CCDC66: variants seen among roughly 807,000 people sequenced by gnomAD.
CCDC66 encodes coiled-coil domain-containing protein 66.
CCDC66 carries 133 observed loss-of-function variants against 128.3 expected under a neutral mutation model. That is an observed-to-expected ratio of 1.04 (90% CI 0.90 to 1.20). CCDC66 has a LOEUF of 1.20. CCDC66 is among the 50% of genes most tolerant of loss of function. The probability of loss-of-function intolerance (pLI) is 0.00; values close to 1 mark genes in which losing one functional copy is unlikely to be tolerated. For missense variants in CCDC66, 1,126 were observed against 1,075.5 expected (o/e 1.05, Z -0.66); for synonymous variants, 387 against 357.0 (o/e 1.08, Z -0.95).
chr3:56,615,108 T>C lies in CCDC66; in HGVS notation c.1567-20T>C, dbSNP rs2075322831. The stretch of plus-strand genomic sequence containing the variant: ...TTGTATGTTTAATAGATGAATTTAG[T>C]AACACATCAATATTGACAGGAAATC... On this transcript the variant is annotated intron_variant, in intron 11 of 17. Transcript: ENST00000394672. 4 of 1,608,164 alleles carry C rather than the reference T, an allele frequency of 2.5e-6. No homozygotes were observed. Among genetic ancestry groups the C allele is most frequent in the African/African-American group, 2.7e-5 (2 of 74,554 alleles).
intron 10 of CCDC66, among the ~76,000 whole-genome samples, chr3:56,613,034 A>G (rs2075054353): frequency 6.6e-6 from 1 of 152,138 alleles, no homozygotes; most frequent in South Asian, 2.1e-4. Flanking sequence ...CAGATGGTGA[A>G]TGTCAGTGGG....
At position 56,563,843 on chromosome 3, in the gene CCDC66, A is replaced by G; in HGVS notation, c.262A>G (p.Thr88Ala). The G allele has an allele frequency of 6.3e-7, 1 of 1,574,924 alleles. No homozygotes were observed. Among genetic ancestry groups the G allele is most frequent in the Non-Finnish European group, 8.6e-7 (1 of 1,158,842 alleles). The change falls in exon 4 of 18, where the codon ACT becomes GCT. Residue 88 changes from threonine to alanine, a missense_variant. By Grantham distance (58) the Thr-to-Ala change is moderately conservative. Coordinates refer to ENST00000394672, the MANE Select transcript of CCDC66 (RefSeq NM_001141947.3). ...SQAKGEKNGM[T>A]FSSTKDLCKQ... ...GGCAAAAGGTGAAAAAAATGGAATGACTTTTTCATCCACTAAGGATTTATG... is the reference window on the plus strand; with the variant it reads ...GGCAAAAGGTGAAAAAAATGGAATGGCTTTTTCATCCACTAAGGATTTATG...
chr3:56,619,498 C>T lies in CCDC66; in HGVS notation c.2606C>T (p.Thr869Ile). 1 of 1,611,650 alleles carries T rather than the reference C, an allele frequency of 6.2e-7. No individual in the cohort carries two copies. Among genetic ancestry groups the T allele is most frequent in the Non-Finnish European group, 8.5e-7 (1 of 1,179,238 alleles). The change falls in exon 16 of 18, where the codon ACC (threonine) becomes ATC (isoleucine). Residue 869 changes from threonine to isoleucine, a missense_variant. Thr to Ile is a moderately conservative substitution (Grantham distance 89). Transcript: ENST00000394672. ...GATGCACCATTGTCTGGGCCTTCAA[C>T]CCAGGACCCTCAGTACCAAAATTCA... ...DPDAPLSGPS[T>I]QDPQYQNSQD...
intron 10 of CCDC66, among the ~76,000 whole-genome samples, chr3:56,608,803 G>A (rs1186403638): frequency 6.6e-6 from 1 of 152,148 alleles, no homozygotes; most frequent in Non-Finnish European, 1.5e-5. Context: ...GATAGGTTGT[G>A]TCATTACTGT....
chr3:56,602,888 G>A (rs1206785466), intron 10 of CCDC66, among the ~76,000 whole-genome samples: 1 of 145,106 alleles, frequency 6.9e-6, no homozygotes, highest in East Asian at 2.0e-4. Context: ...AGGCTGGAGT[G>A]CAGTGGCATG....
intron 3 of CCDC66, chr3:56,563,381 A>AT (rs531194214): frequency 1.3e-5 from 2 of 150,730 alleles, no homozygotes; most frequent in Non-Finnish European, 2.5e-5. Context: ...AGTTAAAAAA[A>AT]TTTTTTTAAT....
intron 10 of CCDC66, among the ~76,000 whole-genome samples, chr3:56,597,777 G>GTTTTTTTTTTTTTTGTTTT (rs2072315627): frequency 1.1e-5 from 1 of 87,916 alleles, no homozygotes; most frequent in Admixed American, 1.7e-4. Flanking sequence ...TTGTTTTGGG[G>GTTTTTTTTTTTTTTGTTTT]TTTTTTTTTT....
At chr3:56,558,194 TTC>T (rs2064616575) in intron 1 of CCDC66, among the ~76,000 whole-genome samples, 1 of 152,348 alleles carries the variant, frequency 6.6e-6, no homozygotes, top group Non-Finnish European at 1.5e-5. Context: ...GGATTTAATT[TTC>T]TCTCTCTGAA....
chr3:56,597,740 A>C (rs1198818350), intron 10 of CCDC66, among the ~76,000 whole-genome samples: 1 of 135,272 alleles, frequency 7.4e-6, no homozygotes, highest in Non-Finnish European at 1.6e-5. Context: ...TATTGATCAG[A>C]TGTGAGGTTT....
intron 10 of CCDC66, among the ~76,000 whole-genome samples, chr3:56,595,939 G>A (rs1402536225): frequency 6.6e-6 from 1 of 152,142 alleles, no homozygotes; most frequent in Non-Finnish European, 1.5e-5. Context: ...TTTTGAGACA[G>A]GGTCTTGCTC....
intron 10 of CCDC66, among the ~76,000 whole-genome samples, chr3:56,596,587 C>T (rs114474823): frequency 0.013 from 1,981 of 150,098 alleles, 66 homozygotes; most frequent in African/African-American, 0.043. Flanking sequence ...TTTCCTTTCC[C>T]GTGCAGAAGA....
In CCDC66 at chr3:56,558,880, G is replaced by A. The variant is rs2064726560; in HGVS notation, c.46G>A (p.Gly16Arg). The A allele has an allele frequency of 1.3e-6, 2 of 1,549,036 alleles. No homozygotes were observed. Among genetic ancestry groups the A allele is most frequent in the Admixed American group, 3.9e-5 (2 of 50,856 alleles). The change falls in exon 2 of 18, where the codon GGA (glycine) becomes AGA (arginine). Residue 16 changes from glycine (G) to arginine (R), a missense_variant. Coordinates refer to ENST00000394672, the MANE Select transcript of CCDC66 (RefSeq NM_001141947.3). ...GLKLETELLD[G>R]KTKLILSPYE... ...AAAGCTTGAAACTGAATTACTGGAT[G>A]GAAAAACCAAGCTAATATTGTCTCC...
At chr3:56,575,232 A>G (rs538195043) in intron 7 of CCDC66, among the ~76,000 whole-genome samples, 11 of 151,878 alleles carry the variant, frequency 7.2e-5, no homozygotes, top group African/African-American at 2.4e-4. Flanking sequence ...CTGTGTTCCA[A>G]TTTCTTCACA....
intron 17 of CCDC66, chr3:56,621,159 C>CAAAAA (rs370427287): frequency 0.049 from 6,977 of 142,406 alleles, 244 homozygotes; most frequent in South Asian, 0.16. Context: ...ACTCCATCTC[C>CAAAAA]AAAAAAAAAC....
chr3:56,562,495 ACT>A (rs747525676), intron 3 of CCDC66, among the ~76,000 whole-genome samples: 3 of 152,170 alleles, frequency 2.0e-5, no homozygotes, highest in Non-Finnish European at 4.4e-5. Flanking sequence ...GGATTCTAAA[ACT>A]CTTACACTTA....
chr3:56,585,983 T>C (rs1171890635), intron 7 of CCDC66, among the ~76,000 whole-genome samples: 1 of 151,848 alleles, frequency 6.6e-6, no homozygotes, highest in Non-Finnish European at 1.5e-5. Context: ...ACTATAACCA[T>C]ATCTATATTT....
Position 56,597,780 on chromosome 3 carries a change from T to TTTTTTTTTTTTGTTTTTTTG in CCDC66, c.1404+3763_1404+3764insGTTTTTTTGTTTTTTTTTTT, listed in dbSNP as rs2072338242. Among the ~76,000 whole-genome samples, 2 of 119,216 alleles carry TTTTTTTTTTTTGTTTTTTTG rather than the reference T, an allele frequency of 1.7e-5. 1 individual carries two copies. Among genetic ancestry groups the TTTTTTTTTTTTGTTTTTTTG allele is most frequent in the South Asian group, 6.4e-4 (2 of 3,122 alleles). The allele number at this position is 119,216 out of a possible 152,430, so 78.2% of individuals were successfully genotyped here. A position where few individuals can be genotyped will look rare whatever the true frequency, so the allele number is the denominator to read the frequency against. On this transcript the variant is annotated intron_variant, in intron 10 of 17. Coordinates refer to ENST00000394672, the MANE Select transcript of CCDC66 (RefSeq NM_001141947.3). ...GGAGTCTAGGTTTTGTTTTGGGGTTTTTTTTTTTTTTTGAGACAGAGCCTC... is the reference window on the plus strand; with the variant it reads ...GGAGTCTAGGTTTTGTTTTGGGGTTTTTTTTTTTTTTGTTTTTTTGTTTTTTTTTTTTGAGACAGAGCCTC...
rs544494695 is a variant in CCDC66 at position 56,573,702 on chromosome 3, G to T, written c.936+2400G>T. On this transcript the variant is annotated intron_variant, in intron 7 of 17. Transcript: ENST00000394672. ...GGTATCAGTGCTGACATCTTCTGAAGGGCTGGTTTCTGTTTAGCCCTTAGG... is the reference window on the plus strand; with the variant it reads ...GGTATCAGTGCTGACATCTTCTGAATGGCTGGTTTCTGTTTAGCCCTTAGG... 7.7e-3 allele frequency among the ~76,000 whole-genome samples: 1,173 copies of T among 151,800 alleles called. 36 individuals carry two copies. The highest frequency in any genetic ancestry group is 0.077 in the East Asian group (388 of 5,032).
At chr3:56,560,803 A>T in intron 3 of CCDC66, 1 of 433,440 alleles carries the variant, frequency 2.3e-6, no homozygotes, top group Admixed American at 2.8e-5. Flanking sequence ...TTAGATTAAT[A>T]TCAGTAGGAA....
Sources: allele counts gnomAD v4.1 joint callset (sites outside exome capture counted in the v4.1 genomes callset), GRCh38; gene constraint gnomAD v4.1.1; transcripts MANE v1.5; gene names NCBI Gene and HGNC (gene_info 2026-07-23, HGNC 2026-07-21).